MYO5A: variants seen among roughly 807,000 people sequenced by gnomAD.
The protein encoded by MYO5A is myosin VA.
Under a neutral mutation model 249.7 loss-of-function variants are expected in MYO5A, and 98 were observed. The observed-to-expected ratio is 0.39, with a 90% confidence interval of 0.33 to 0.46. The LOEUF is 0.46. MYO5A is among the 20% of genes least tolerant of loss of function. MYO5A has a pLI of 0.98. For missense variants in MYO5A, 1,696 were observed against 2,308.8 expected, an observed-to-expected ratio of 0.73 and a Z score of 5.44; for synonymous variants, 778 against 810.6, an observed-to-expected ratio of 0.96 and a Z score of 0.68.
chr15:52,316,359 A>G (rs4280181), intron 40 of MYO5A, among the ~76,000 whole-genome samples: 72,152 of 152,016 alleles, frequency 0.47, 20,458 homozygotes, highest in Non-Finnish European at 0.62. Context: ...TAATCCTCAA[A>G]TGCCCTTCTC....
chr15:52,503,005 G>A (rs2077189294), intron 1 of MYO5A, among the ~76,000 whole-genome samples: 1 of 152,200 alleles, frequency 6.6e-6, no homozygotes, highest in Non-Finnish European at 1.5e-5. Context: ...GAGTAGACTG[G>A]TGGATACCAG....
intron 20 of MYO5A, among the ~76,000 whole-genome samples, chr15:52,374,882 CTTT>C (rs67930384): frequency 6.6e-6 from 1 of 152,058 alleles, no homozygotes; most frequent in African/African-American, 2.4e-5. Context: ...AACTAACATA[CTTT>C]TTTTTTCAAA....
chr15:52,460,084 T>A (rs1391355910), intron 1 of MYO5A, among the ~76,000 whole-genome samples: 4 of 132,890 alleles, frequency 3.0e-5, no homozygotes, highest in African/African-American at 1.2e-4. Context: ...ACATCCCAGA[T>A]GATGGGCGGC....
At chr15:52,472,885 T>C (rs2076506373) in intron 1 of MYO5A, among the ~76,000 whole-genome samples, 1 of 152,254 alleles carries the variant, frequency 6.6e-6, no homozygotes, top group Admixed American at 6.5e-5. Context: ...CAGCATGACT[T>C]ATAATCCTTT....
chr15:52,326,203 C>A (rs184922723), intron 36 of MYO5A, among the ~76,000 whole-genome samples: 93 of 152,138 alleles, frequency 6.1e-4, no homozygotes, highest in African/African-American at 1.9e-3. Flanking sequence ...TGTTCTAGTG[C>A]CCATCATTTT....
intron 4 of MYO5A, among the ~76,000 whole-genome samples, chr15:52,423,526 T>C (rs1221540822): frequency 1.3e-5 from 2 of 149,378 alleles, no homozygotes; most frequent in Admixed American, 1.3e-4. Context: ...CACTCCAGCT[T>C]GGGTGACAGG....
intron 1 of MYO5A, among the ~76,000 whole-genome samples, chr15:52,453,295 CA>C (rs1002453185): frequency 1.3e-5 from 2 of 151,818 alleles, no homozygotes; most frequent in African/African-American, 2.4e-5. Context: ...TGCTGAAAGA[CA>C]AAAAAACCCT....
intron 30 of MYO5A, 104 bp downstream of exon 30, chr15:52,346,257 T>C: frequency 1.4e-6 from 1 of 728,148 alleles, no homozygotes. Context: ...AGTTAATGTC[T>C]AATATAAAGG....
Position 52,364,536 on chromosome 15 carries a change from CAA to C in MYO5A, c.3309+16_3309+17del. The C allele has an allele frequency of 1.3e-6, 2 of 1,538,436 alleles. No individual in the cohort carries two copies. The highest frequency in any genetic ancestry group is 2.4e-5 in the East Asian group (1 of 42,498). ...TTAAAATTTTTCATTAAAAAAAAAA[CAA>C]AAGTGTTTGACTCACCACCATAAGG... On this transcript the variant is annotated intron_variant, in intron 24 of 41. Transcript: ENST00000399233.
At chr15:52,420,197 T>C (rs1158289560) in intron 4 of MYO5A, among the ~76,000 whole-genome samples, 1 of 151,762 alleles carries the variant, frequency 6.6e-6, no homozygotes, top group Non-Finnish European at 1.5e-5. Context: ...CCTAACTACT[T>C]GGGAGGCTGA....
chr15:52,416,537 A>T (rs149898268), intron 4 of MYO5A, among the ~76,000 whole-genome samples: 2 of 151,848 alleles, frequency 1.3e-5, no homozygotes, highest in African/African-American at 4.8e-5. Flanking sequence ...TGAGGAGGAT[A>T]TTTATTATTT....
At chr15:52,489,500 G>A (rs2076892296) in intron 1 of MYO5A, among the ~76,000 whole-genome samples, 1 of 151,132 alleles carries the variant, frequency 6.6e-6, no homozygotes, top group Non-Finnish European at 1.5e-5. Flanking sequence ...GGAGGCAGAG[G>A]TTGCAGTGAG....
At chr15:52,430,922 G>A (rs1430581030) in intron 2 of MYO5A, among the ~76,000 whole-genome samples, 3 of 151,846 alleles carry the variant, frequency 2.0e-5, no homozygotes, top group African/African-American at 4.8e-5. Flanking sequence ...ATTAACTCAC[G>A]GGTTTTATTT....
At chr15:52,473,955 G>A (rs1345188851) in intron 1 of MYO5A, among the ~76,000 whole-genome samples, 2 of 152,086 alleles carry the variant, frequency 1.3e-5, no homozygotes, top group Non-Finnish European at 2.9e-5. Context: ...TGATGGGGAT[G>A]GCATTGAATC....
At chr15:52,379,369 A>T (rs1031581324) in intron 18 of MYO5A, among the ~76,000 whole-genome samples, 2 of 152,206 alleles carry the variant, frequency 1.3e-5, no homozygotes, top group South Asian at 2.1e-4. Context: ...TACTAGGTAC[A>T]CTTTTATCAA....
At chr15:52,319,974 A>G (rs2038223130) in intron 38 of MYO5A, among the ~76,000 whole-genome samples, 1 of 152,188 alleles carries the variant, frequency 6.6e-6, no homozygotes, top group Non-Finnish European at 1.5e-5. Context: ...AGTTCGGGTT[A>G]AGATAAGCAT....
intron 1 of MYO5A, among the ~76,000 whole-genome samples, chr15:52,503,549 A>G (rs1190640520): frequency 6.6e-6 from 1 of 152,186 alleles, no homozygotes; most frequent in East Asian, 1.9e-4. Flanking sequence ...TGGGAGGATC[A>G]CTTGAACCTG....
At chr15:52,528,541 G>T (rs1214322822) in intron 1 of MYO5A, among the ~76,000 whole-genome samples, 1 of 152,218 alleles carries the variant, frequency 6.6e-6, no homozygotes, top group African/African-American at 2.4e-5. Context: ...GAGCAGCGCG[G>T]CAGGGGCCTG....
intron 6 of MYO5A, among the ~76,000 whole-genome samples, chr15:52,409,875 T>C (rs1315707809): frequency 6.6e-6 from 1 of 152,108 alleles, no homozygotes; most frequent in Non-Finnish European, 1.5e-5. Context: ...CACAATTGGG[T>C]TGTGAAGATT....
Sources: gnomAD v4.1 joint callset for allele counts (sites outside exome capture counted in the v4.1 genomes callset) on GRCh38, gnomAD v4.1.1 for gene constraint, MANE v1.5 for transcripts, NCBI Gene and HGNC (gene_info 2026-07-23, HGNC 2026-07-21) for gene names.